MDGA2: variants seen among roughly 807,000 people sequenced by gnomAD.
The protein encoded by MDGA2 is MAM domain containing glycosylphosphatidylinositol anchor 2.
Under a neutral mutation model 117.8 loss-of-function variants are expected in MDGA2, and 40 were observed. That is an observed-to-expected ratio of 0.34 (90% CI 0.26 to 0.44). MDGA2 has a LOEUF of 0.44. Ranked by LOEUF, MDGA2 falls within the 20% of genes least tolerant of loss-of-function variation. The probability of loss-of-function intolerance (pLI) is 1.00; values close to 1 mark genes in which losing one functional copy is unlikely to be tolerated. For synonymous variants in MDGA2, 452 were observed against 439.0 expected (o/e 1.03, Z -0.37); for missense variants, 1,123 against 1,250.6 (o/e 0.90, Z 1.54).
intron 6 of MDGA2, among the ~76,000 whole-genome samples, chr14:47,074,273 C>G (rs758222195): frequency 6.6e-6 from 1 of 151,614 alleles, no homozygotes; most frequent in Non-Finnish European, 1.5e-5. Context: ...TTTAACCTCT[C>G]AATAGTTTTG....
At chr14:47,588,717 T>C (rs541772445) in intron 1 of MDGA2, among the ~76,000 whole-genome samples, 2 of 152,122 alleles carry the variant, frequency 1.3e-5, no homozygotes, top group African/African-American at 4.8e-5. Context: ...GAAGCACAAA[T>C]GGTTCAATTC....
intron 1 of MDGA2, among the ~76,000 whole-genome samples, chr14:47,544,951 CAG>C (rs1276128234): frequency 1.3e-5 from 2 of 152,144 alleles, no homozygotes; most frequent in African/African-American, 2.4e-5. Flanking sequence ...AATTTACTAA[CAG>C]AATGATACCA....
intron 1 of MDGA2, among the ~76,000 whole-genome samples, chr14:47,422,857 A>G (rs1176264357): frequency 6.6e-6 from 1 of 152,194 alleles, no homozygotes; most frequent in Non-Finnish European, 1.5e-5. Context: ...CTGATTCTAT[A>G]CACTCGAAAC....
chr14:47,271,386 GT>G (rs1422031576), intron 2 of MDGA2, among the ~76,000 whole-genome samples: 1 of 152,144 alleles, frequency 6.6e-6, no homozygotes, highest in Admixed American at 6.6e-5. Flanking sequence ...GTTTGCATGT[GT>G]TTTTTCTTTT....
rs1566600318 is a variant in MDGA2 at position 47,061,517 on chromosome 14, C to A, written c.1257G>T (p.Gln419His). The change falls in exon 7 of 17, where the codon CAG becomes CAT. Residue 419 changes from glutamine to histidine, a missense_variant. By Grantham distance (24) the Gln-to-His change is conservative. Coordinates refer to ENST00000399232, the MANE Select transcript of MDGA2 (RefSeq NM_001113498.3). ...PDPYHKDDNI[Q>H]IGREVKISCQ... Reference sequence around the variant, plus strand: ...AAGATATTTTCACCTCACGGCCAATCTGGATGTTGTCATCTTTGTGATAAG... The same window carrying A: ...AAGATATTTTCACCTCACGGCCAATATGGATGTTGTCATCTTTGTGATAAG... 6.2e-7 allele frequency: 1 copy of A among 1,613,296 alleles called. No homozygotes were observed. The highest frequency in any genetic ancestry group is 1.7e-5 in the Admixed American group (1 of 59,850).
At chr14:47,664,207 T>C (rs1466774535) in intron 1 of MDGA2, among the ~76,000 whole-genome samples, 1 of 152,308 alleles carries the variant, frequency 6.6e-6, no homozygotes, top group Admixed American at 6.5e-5. Context: ...TGCACATATT[T>C]ATAATACTTA....
At chr14:47,023,695 A>G (rs1888374423) in intron 8 of MDGA2, among the ~76,000 whole-genome samples, 1 of 152,206 alleles carries the variant, frequency 6.6e-6, no homozygotes, top group Non-Finnish European at 1.5e-5. Flanking sequence ...GGAATTCAAG[A>G]GGAGAAAAAA....
intron 6 of MDGA2, among the ~76,000 whole-genome samples, chr14:47,078,592 T>C (rs554226092): frequency 3.3e-5 from 5 of 152,270 alleles, no homozygotes; most frequent in African/African-American, 1.2e-4. Context: ...CCTTCTCAAA[T>C]TTGGGGGAAA....
At chr14:46,972,774 G>A (rs564086474) in intron 8 of MDGA2, among the ~76,000 whole-genome samples, 8 of 152,110 alleles carry the variant, frequency 5.3e-5, no homozygotes, top group Admixed American at 1.3e-4. Context: ...ACTTTTAAGC[G>A]GGACTCTATT....
chr14:47,086,162 C>T (rs1180442944), intron 6 of MDGA2, among the ~76,000 whole-genome samples: 3 of 145,488 alleles, frequency 2.1e-5, no homozygotes, highest in Non-Finnish European at 3.0e-5. Flanking sequence ...TTCATCTTAA[C>T]AGATTGTTTT....
chr14:47,047,493 A>G (rs1889306108), intron 7 of MDGA2, among the ~76,000 whole-genome samples: 1 of 152,240 alleles, frequency 6.6e-6, no homozygotes, highest in African/African-American at 2.4e-5. Context: ...TCCTAGCTCT[A>G]TCACCTACTA....
chr14:46,990,021 T>C (rs969414872), intron 8 of MDGA2, among the ~76,000 whole-genome samples: 2 of 152,124 alleles, frequency 1.3e-5, no homozygotes, highest in African/African-American at 4.8e-5. Flanking sequence ...CACTAAAGAA[T>C]ACTCTTCTAT....
intron 10 of MDGA2, among the ~76,000 whole-genome samples, chr14:46,895,848 G>A (rs1369488821): frequency 6.6e-6 from 1 of 152,050 alleles, no homozygotes. Flanking sequence ...ATTCTGCAAT[G>A]CCGCCTGTCC....
At chr14:47,505,512 C>T (rs1189304681) in intron 1 of MDGA2, among the ~76,000 whole-genome samples, 1 of 152,024 alleles carries the variant, frequency 6.6e-6, no homozygotes. Flanking sequence ...TAAAAAATGC[C>T]TGTTGCATCA....
At chr14:47,293,218 T>C (rs1006821835) in intron 2 of MDGA2, among the ~76,000 whole-genome samples, 5 of 152,082 alleles carry the variant, frequency 3.3e-5, no homozygotes, top group African/African-American at 1.2e-4. Context: ...CCTCCCTGAG[T>C]CTTCTAAGTT....
At chr14:47,427,770 G>A (rs1892720798) in intron 1 of MDGA2, among the ~76,000 whole-genome samples, 1 of 152,134 alleles carries the variant, frequency 6.6e-6, no homozygotes, top group South Asian at 2.1e-4. Context: ...CTTAGAAAGT[G>A]CCAATGAACA....
chr14:47,067,457 T>A (rs1890127214), intron 6 of MDGA2, among the ~76,000 whole-genome samples: 2 of 152,178 alleles, frequency 1.3e-5, no homozygotes, highest in African/African-American at 4.8e-5. Context: ...CTAGTGAAAA[T>A]AATATTTATT....
At position 47,252,886 on chromosome 14, in the gene MDGA2, A is replaced by C. The variant is rs540290082; in HGVS notation, c.421-34691T>G. Reference sequence around the variant, plus strand: ...AAAGTGGTTTAATTGACTCACAGTTAAGCGTGGCTGGGGAGGCCTCAGGAA... The same window carrying C: ...AAAGTGGTTTAATTGACTCACAGTTCAGCGTGGCTGGGGAGGCCTCAGGAA... On this transcript the variant is annotated intron_variant, in intron 2 of 16. Transcript: ENST00000399232. 2.2e-4 allele frequency among the ~76,000 whole-genome samples: 34 copies of C among 152,302 alleles called. No individual in the cohort carries two copies. In the South Asian group the frequency reaches 6.6e-3, roughly 30 times the overall value.
In MDGA2 at chr14:47,511,615, A is replaced by G. The variant is rs1217144175; in HGVS notation, c.280+162902T>C. Reference sequence around the variant, plus strand: ...TTGTTGCCCTTTTCCTATTGTTTCAATTCTAATGGACTTAAAACAGGACTT... The same window carrying G: ...TTGTTGCCCTTTTCCTATTGTTTCAGTTCTAATGGACTTAAAACAGGACTT... On this transcript the variant is annotated intron_variant, in intron 1 of 16. Coordinates refer to ENST00000399232, the MANE Select transcript of MDGA2 (RefSeq NM_001113498.3). Among the ~76,000 whole-genome samples, 7 of 152,268 alleles carry G rather than the reference A, an allele frequency of 4.6e-5. No homozygotes were observed. In the East Asian group the frequency reaches 1.2e-3, roughly 25 times the overall value.
Sources: gnomAD v4.1 joint callset for allele counts (sites outside exome capture counted in the v4.1 genomes callset) on GRCh38, gnomAD v4.1.1 for gene constraint, MANE v1.5 for transcripts, NCBI Gene and HGNC (gene_info 2026-07-23, HGNC 2026-07-21) for gene names.